EXOC6: variants seen among roughly 807,000 people sequenced by gnomAD.
EXOC6 encodes the protein SEC15-like 1.
Under a neutral mutation model 112.5 loss-of-function variants are expected in EXOC6, and 60 were observed. That is an observed-to-expected ratio of 0.53 (90% CI 0.43 to 0.66). The LOEUF (loss-of-function observed/expected upper bound fraction) is 0.66. Among genes scored for constraint, EXOC6 ranks in the 30% least tolerant of loss-of-function variants. The pLI, the probability that EXOC6 is intolerant of heterozygous loss-of-function variation, is 0.00. For synonymous variants in EXOC6, 295 were observed against 308.0 expected (o/e 0.96, Z 0.44); for missense variants, 855 against 957.1 (o/e 0.89, Z 1.41).
chr10:92,926,681 G>A (rs993188783), intron 8 of EXOC6, among the ~76,000 whole-genome samples: 4 of 152,024 alleles, frequency 2.6e-5, no homozygotes, highest in Admixed American at 6.6e-5. Flanking sequence ...TTACAGGCAC[G>A]TACCACCATG....
intron 18 of EXOC6, among the ~76,000 whole-genome samples, chr10:92,994,924 T>C (rs2134168565): frequency 1.3e-5 from 2 of 152,090 alleles, no homozygotes; most frequent in African/African-American, 4.8e-5. Flanking sequence ...AGTTTAAGAA[T>C]AGTTGTATAC....
rs1851975388 is a variant in EXOC6, at chr10:92,930,613, CACTT to C, written c.972+2192_972+2195del. Among the ~76,000 whole-genome samples, 2 of 152,000 alleles carry C rather than the reference CACTT, an allele frequency of 1.3e-5. 1 individual carries two copies. Among genetic ancestry groups the C allele is most frequent in the Admixed American group, 1.3e-4 (2 of 15,258 alleles). On this transcript the variant is annotated intron_variant, in intron 9 of 21. Coordinates refer to ENST00000260762, the MANE Select transcript of EXOC6 (RefSeq NM_019053.6). ...CATATGCAAAAAATGAATATTGACT[CACTT>C]CTTTCAACAATTAAAGGGGATCATC...
rs1006858965 is a variant in EXOC6 at position 92,916,859 on chromosome 10, A to T, written c.819+946A>T. Among the ~76,000 whole-genome samples, 5 of 152,316 alleles carry T rather than the reference A, an allele frequency of 3.3e-5. No homozygotes were observed. In the East Asian group the frequency reaches 9.6e-4, roughly 29 times the overall value. On this transcript the variant is annotated intron_variant, in intron 7 of 21. Transcript: ENST00000260762. Reference sequence around the variant, plus strand: ...ATTGAGCTATTAGGACAATGGAGTCATCTGAAATGTTGGGCTAGATAATTG... The same window carrying T: ...ATTGAGCTATTAGGACAATGGAGTCTTCTGAAATGTTGGGCTAGATAATTG...
At chr10:92,975,348 A>C (rs1405932727) in intron 18 of EXOC6, among the ~76,000 whole-genome samples, 3 of 149,644 alleles carry the variant, frequency 2.0e-5, no homozygotes, top group Non-Finnish European at 4.4e-5. Context: ...CGGTCTGAGA[A>C]GTGAGGAGCC....
chr10:92,922,135 G>T (rs1000486468), intron 8 of EXOC6, among the ~76,000 whole-genome samples: 1 of 151,786 alleles, frequency 6.6e-6, no homozygotes, highest in Non-Finnish European at 1.5e-5. Context: ...TAGTAGAGAC[G>T]GGGTTTCTCC....
chr10:92,953,874 CTT>C (rs1853551129), intron 15 of EXOC6, among the ~76,000 whole-genome samples: 2 of 152,092 alleles, frequency 1.3e-5, no homozygotes, highest in Non-Finnish European at 2.9e-5. Context: ...AAATGGATAA[CTT>C]AGTTATATTA....
intron 20 of EXOC6, among the ~76,000 whole-genome samples, chr10:93,044,670 A>G (rs909960069): frequency 6.6e-6 from 1 of 152,150 alleles, no homozygotes; most frequent in African/African-American, 2.4e-5. Flanking sequence ...CACTTCACCA[A>G]AGATTTATTG....
At chr10:92,828,374 C>T (rs1846419240) in intron 1 of EXOC6, among the ~76,000 whole-genome samples, 1 of 152,302 alleles carries the variant, frequency 6.6e-6, no homozygotes, top group South Asian at 2.1e-4. Context: ...TGCTCTGTCA[C>T]CCAGGCTGGA....
At chr10:92,911,232 ACAAACTACT>A (rs939067323) in intron 6 of EXOC6, among the ~76,000 whole-genome samples, 4 of 152,078 alleles carry the variant, frequency 2.6e-5, no homozygotes, top group African/African-American at 9.7e-5. Context: ...CCCAAGTATT[ACAAACTACT>A]TTGGAAACTC....
chr10:93,007,379 A>T (rs560754269), intron 19 of EXOC6, among the ~76,000 whole-genome samples: 2 of 152,078 alleles, frequency 1.3e-5, no homozygotes, highest in Non-Finnish European at 2.9e-5. Flanking sequence ...GGCTGGGCGC[A>T]ATGGCTCACA....
At chr10:92,838,847 A>G (rs934142311) in intron 1 of EXOC6, among the ~76,000 whole-genome samples, 3 of 152,104 alleles carry the variant, frequency 2.0e-5, no homozygotes, top group Non-Finnish European at 2.9e-5. Flanking sequence ...GGCTAAGGCC[A>G]GCTCACTTGA....
intron 4 of EXOC6, among the ~76,000 whole-genome samples, chr10:92,896,165 ATATATATATATATATATTTTTT>A (rs1849784305): frequency 4.5e-5 from 1 of 22,170 alleles, no homozygotes; most frequent in African/African-American, 2.3e-4. Context: ...ATATATATAT[ATATATATATATATATATTTTTT>A]TTTTTTTTTT....
chr10:93,031,410 G>A (rs975808638), intron 20 of EXOC6, among the ~76,000 whole-genome samples: 1 of 151,536 alleles, frequency 6.6e-6, no homozygotes, highest in Non-Finnish European at 1.5e-5. Context: ...AACTCTTACA[G>A]CTTGACTTGT....
intron 1 of EXOC6, among the ~76,000 whole-genome samples, chr10:92,885,414 C>T (rs1323066985): frequency 6.6e-6 from 1 of 151,404 alleles, no homozygotes; most frequent in East Asian, 1.9e-4. Flanking sequence ...GAGTCTTTCC[C>T]TGTTGCCCAG....
At chr10:92,888,641 T>G (rs1278220783) in intron 1 of EXOC6, among the ~76,000 whole-genome samples, 1 of 152,190 alleles carries the variant, frequency 6.6e-6, no homozygotes. Context: ...TGTATTTTGT[T>G]TATTATTTGG....
chr10:92,909,675 A>G (rs538272547), intron 6 of EXOC6, 44 bp downstream of exon 6: 130 of 1,194,722 alleles, frequency 1.1e-4, no homozygotes, highest in Non-Finnish European at 1.4e-4. Flanking sequence ...TTAGTAATAC[A>G]GGATCTGGAA....
At chr10:92,899,321 A>G (rs532230481) in intron 4 of EXOC6, among the ~76,000 whole-genome samples, 1 of 152,286 alleles carries the variant, frequency 6.6e-6, no homozygotes, top group African/African-American at 2.4e-5. Context: ...TGTCTCAGTT[A>G]TACGTGGTTA....
At chr10:92,882,755 G>A (rs1849028556) in intron 1 of EXOC6, among the ~76,000 whole-genome samples, 1 of 152,156 alleles carries the variant, frequency 6.6e-6, no homozygotes, top group African/African-American at 2.4e-5. Flanking sequence ...GGCTACTGAA[G>A]AGAGTTGCGG....
chr10:92,947,542 C>G (rs1480958525), intron 13 of EXOC6, among the ~76,000 whole-genome samples: 2 of 152,180 alleles, frequency 1.3e-5, no homozygotes, highest in African/African-American at 4.8e-5. Flanking sequence ...TTGTTTTGAT[C>G]TTCAAGAGTT....
Sources: allele counts gnomAD v4.1 joint callset (sites outside exome capture counted in the v4.1 genomes callset), GRCh38; gene constraint gnomAD v4.1.1; transcripts MANE v1.5; gene names NCBI Gene and HGNC (gene_info 2026-07-23, HGNC 2026-07-21).